Variants in RIT2 observed in about 807,000 individuals in gnomAD.
RIT2 encodes Ras like without CAAX 2, also known as GTP-binding protein Rit2.
A neutral mutation model predicts 23.7 loss-of-function variants in RIT2; 24 were observed. That is an observed-to-expected ratio of 1.01 (90% CI 0.73 to 1.43). RIT2 has a LOEUF of 1.43. RIT2 is among the 40% of genes most tolerant of loss of function. RIT2 has a pLI of 0.00. For missense variants in RIT2, 236 were observed against 266.9 expected, an observed-to-expected ratio of 0.88 and a Z score of 0.81; for synonymous variants, 107 against 91.1, an observed-to-expected ratio of 1.17 and a Z score of -0.99.
intron 3 of RIT2, among the ~76,000 whole-genome samples, chr18:42,952,236 G>A (rs1909868288): frequency 6.6e-6 from 1 of 152,046 alleles, no homozygotes; most frequent in East Asian, 1.9e-4. Flanking sequence ...TAACACTATG[G>A]ATGAACATTG....
At chr18:42,791,198 C>T (rs1539980) in intron 4 of RIT2, among the ~76,000 whole-genome samples, 1 of 152,152 alleles carries the variant, frequency 6.6e-6, no homozygotes, top group Non-Finnish European at 1.5e-5. Flanking sequence ...ATCTAATTTT[C>T]TTTTTTTCTT....
intron 3 of RIT2, among the ~76,000 whole-genome samples, chr18:42,944,258 T>G (rs914634426): frequency 6.6e-6 from 1 of 152,126 alleles, no homozygotes; most frequent in African/African-American, 2.4e-5. Context: ...CTTTCCTGTT[T>G]CCTAAATGTG....
chr18:42,844,152 A>T (rs972118731), intron 4 of RIT2, among the ~76,000 whole-genome samples: 6 of 152,138 alleles, frequency 3.9e-5, no homozygotes, highest in Admixed American at 2.6e-4. Flanking sequence ...CTGACATAAG[A>T]GCAAGCTCTG....
At chr18:43,026,763 T>C (rs1911742518) in intron 2 of RIT2, among the ~76,000 whole-genome samples, 2 of 150,820 alleles carry the variant, frequency 1.3e-5, no homozygotes, top group South Asian at 4.2e-4. Flanking sequence ...AATGGAGAAG[T>C]TGTGTTGGAA....
intron 4 of RIT2, among the ~76,000 whole-genome samples, chr18:42,797,739 T>G (rs898357358): frequency 1.3e-5 from 2 of 152,178 alleles, no homozygotes; most frequent in Non-Finnish European, 2.9e-5. Flanking sequence ...TGCTATGAGC[T>G]GAATTTACAT....
At chr18:43,089,578 A>C (rs964042125) in intron 1 of RIT2, among the ~76,000 whole-genome samples, 5 of 55,484 alleles carry the variant, frequency 9.0e-5, no homozygotes, top group African/African-American at 1.3e-4. Flanking sequence ...GACAATCCTA[A>C]GCAAAAAAAA....
chr18:42,829,908 G>C (rs1380591943), intron 4 of RIT2, among the ~76,000 whole-genome samples: 1 of 152,158 alleles, frequency 6.6e-6, no homozygotes, highest in Admixed American at 6.6e-5. Context: ...GTAAAAATAA[G>C]TGAATGTAAG....
chr18:42,760,100 C>CT (rs890172635), intron 4 of RIT2, among the ~76,000 whole-genome samples: 6 of 152,088 alleles, frequency 3.9e-5, no homozygotes, highest in African/African-American at 7.2e-5. Context: ...TTTACATTCT[C>CT]TAAGTGTCTT....
At chr18:42,954,363 A>G (rs1054930704) in intron 3 of RIT2, among the ~76,000 whole-genome samples, 1 of 141,042 alleles carries the variant, frequency 7.1e-6, no homozygotes, top group African/African-American at 2.8e-5. Flanking sequence ...GCAATGAGTG[A>G]ATTTCCAACT....
At chr18:42,785,790 A>C (rs1226416433) in intron 4 of RIT2, among the ~76,000 whole-genome samples, 1 of 152,168 alleles carries the variant, frequency 6.6e-6, no homozygotes, top group Non-Finnish European at 1.5e-5. Flanking sequence ...CGTGCCCAGC[A>C]CACTTTGCAT....
At chr18:42,795,662 G>A (rs541236141) in intron 4 of RIT2, among the ~76,000 whole-genome samples, 7 of 152,374 alleles carry the variant, frequency 4.6e-5, no homozygotes, top group African/African-American at 1.7e-4. Context: ...GCCCGGGTGC[G>A]GGATCCACTG....
At chr18:42,919,184 T>A (rs563910935) in intron 4 of RIT2, among the ~76,000 whole-genome samples, 27 of 152,288 alleles carry the variant, frequency 1.8e-4, no homozygotes, top group East Asian at 1.7e-3. Context: ...TATGCTTTTT[T>A]AATCCAGTAA....
intron 4 of RIT2, among the ~76,000 whole-genome samples, chr18:42,811,583 G>A (rs978981943): frequency 1.3e-5 from 2 of 151,898 alleles, no homozygotes; most frequent in Non-Finnish European, 2.9e-5. Flanking sequence ...TTTGAAAGAA[G>A]TAAATTTAAA....
intron 1 of RIT2, among the ~76,000 whole-genome samples, chr18:43,084,053 C>T (rs1913222043): frequency 6.6e-6 from 1 of 152,078 alleles, no homozygotes; most frequent in South Asian, 2.1e-4. Context: ...GCCCAAACAA[C>T]CCCATCAAAA....
chr18:42,905,993 TATATATATATATAC>T (rs1447314157), intron 4 of RIT2, among the ~76,000 whole-genome samples: 1 of 1,024 alleles, frequency 9.8e-4, no homozygotes, highest in Non-Finnish European at 1.8e-3. Flanking sequence ...TATATATATG[TATATATATATATAC>T]ATATATATAT....
intron 4 of RIT2, among the ~76,000 whole-genome samples, chr18:42,758,540 T>A (rs981522958): frequency 6.7e-6 from 1 of 150,248 alleles, no homozygotes; most frequent in African/African-American, 2.4e-5. Flanking sequence ...TGAGAAGGAG[T>A]TTTTCTCTCA....
chr18:43,114,790 T>C (rs1426359881), intron 1 of RIT2, among the ~76,000 whole-genome samples: 1 of 152,216 alleles, frequency 6.6e-6, no homozygotes, highest in East Asian at 1.9e-4. Flanking sequence ...TCTTCATTTA[T>C]TTGTGTAGCT....
intron 3 of RIT2, among the ~76,000 whole-genome samples, chr18:42,946,429 T>C (rs1181034050): frequency 6.6e-6 from 1 of 152,092 alleles, no homozygotes; most frequent in Non-Finnish European, 1.5e-5. Flanking sequence ...CAGGAGGCAG[T>C]CTACACTCTT....
intron 4 of RIT2, among the ~76,000 whole-genome samples, chr18:42,921,943 A>C (rs2144131819): frequency 6.6e-6 from 1 of 152,294 alleles, no homozygotes; most frequent in Middle Eastern, 3.4e-3. Context: ...AAAATAGATT[A>C]TATTTAACTG....
Sources: gnomAD v4.1 joint callset for allele counts (sites outside exome capture counted in the v4.1 genomes callset) on GRCh38, gnomAD v4.1.1 for gene constraint, MANE v1.5 for transcripts, NCBI Gene and HGNC (gene_info 2026-07-23, HGNC 2026-07-21) for gene names.